USP7: variants seen among roughly 807,000 people sequenced by gnomAD.
USP7 encodes ubiquitin specific peptidase 7, also known as ubiquitin C-terminal hydrolase 7.
In USP7, 9 loss-of-function variants were observed where a neutral mutation model predicts 162.9. The observed-to-expected ratio is 0.06, with a 90% confidence interval of 0.03 to 0.10. The LOEUF is 0.10. Among genes scored for constraint, USP7 ranks in the 10% least tolerant of loss-of-function variants. USP7 has a pLI of 1.00. For missense variants in USP7, 715 were observed against 1,373.7 expected (o/e 0.52, Z 7.58); for synonymous variants, 562 against 475.9 (o/e 1.18, Z -2.35).
chr16:8,939,614 T>A (rs1048876154), intron 1 of USP7, among the ~76,000 whole-genome samples: 2 of 152,258 alleles, frequency 1.3e-5, no homozygotes, highest in African/African-American at 4.8e-5. Flanking sequence ...TGGCCTTCCC[T>A]GAGTGCTAAC....
chr16:8,920,202 C>T (rs1175632731), intron 5 of USP7, among the ~76,000 whole-genome samples, 157 bp downstream of exon 5: 2 of 152,180 alleles, frequency 1.3e-5, no homozygotes, highest in African/African-American at 2.4e-5. Context: ...ATCTGTTAAA[C>T]GAGTGTCAAG....
chr16:8,959,402 ATCATT>A (rs1338489834), intron 1 of USP7, among the ~76,000 whole-genome samples: 1 of 152,048 alleles, frequency 6.6e-6, no homozygotes, highest in African/African-American at 2.4e-5. Flanking sequence ...ACTAGTATCG[ATCATT>A]TCATTACAGA....
intron 10 of USP7, among the ~76,000 whole-genome samples, chr16:8,913,154 G>C (rs2061975071): frequency 6.6e-6 from 1 of 152,190 alleles, no homozygotes; most frequent in Admixed American, 6.5e-5. Flanking sequence ...TCAGGAACTC[G>C]AGACCAGCCT....
intron 3 of USP7, among the ~76,000 whole-genome samples, chr16:8,922,430 G>A (rs964955245): frequency 4.6e-5 from 7 of 152,236 alleles, no homozygotes; most frequent in African/African-American, 1.7e-4. Context: ...GGAGGTTGTG[G>A]TGAGCCAAGA....
intron 10 of USP7, among the ~76,000 whole-genome samples, chr16:8,913,558 C>T (rs972923564): frequency 2.0e-5 from 3 of 152,022 alleles, no homozygotes; most frequent in African/African-American, 7.3e-5. Flanking sequence ...GAAGTCTACA[C>T]CGAGTTAAAA....
At chr16:8,935,413 G>A (rs568791167) in intron 1 of USP7, among the ~76,000 whole-genome samples, 2 of 152,210 alleles carry the variant, frequency 1.3e-5, no homozygotes, top group South Asian at 2.1e-4. Context: ...GTTTCACCAC[G>A]TTGGCCAGGC....
intron 5 of USP7, among the ~76,000 whole-genome samples, chr16:8,920,147 T>C (rs1335343610): frequency 3.3e-5 from 5 of 152,220 alleles, no homozygotes; most frequent in African/African-American, 1.2e-4. Context: ...GCCATAATTA[T>C]ACAATTATGT....
At chr16:8,938,539 C>T (rs1898882279) in intron 1 of USP7, among the ~76,000 whole-genome samples, 1 of 151,684 alleles carries the variant, frequency 6.6e-6, no homozygotes, top group African/African-American at 2.4e-5. Flanking sequence ...GGTGAAACGC[C>T]GTCTCTACTG....
Position 8,919,201 on chromosome 16 carries a change from G to C in USP7, c.612-62C>G, listed in dbSNP as rs566444904. 1.7e-5 allele frequency: 27 copies of C among 1,546,294 alleles called. No individual in the cohort carries two copies. In the African/African-American group the frequency reaches 3.5e-4, roughly 20 times the overall value. On this transcript the variant is annotated intron_variant, in intron 5 of 30. Transcript: ENST00000344836. Reference sequence around the variant, plus strand: ...ATACCCCATTGCTCCTGCAGTGTGTGTGAAGCAATCTGACTCAAGGTCAGC... The same window carrying C: ...ATACCCCATTGCTCCTGCAGTGTGTCTGAAGCAATCTGACTCAAGGTCAGC...
At chr16:8,957,862 T>C (rs1023080085) in intron 1 of USP7, among the ~76,000 whole-genome samples, 2 of 152,124 alleles carry the variant, frequency 1.3e-5, no homozygotes, top group Non-Finnish European at 2.9e-5. Flanking sequence ...TGAAAGTCTA[T>C]CAATGTCTTT....
Position 8,898,372 on chromosome 16 carries a change from T to C in USP7, c.2706A>G (p.Gln902=), listed in dbSNP as rs778367249. Residue 902 remains glutamine (Q), a synonymous_variant, in exon 25 of 31, where the codon CAA becomes CAG. Transcript: ENST00000344836. ...RSFKCIWLNS[Q]FREEEITLYP... is the part of the protein sequence containing the mutation. The stretch of plus-strand genomic sequence containing the variant: ...TAAAAAAACTTACCTCTTCCCTAAA[T>C]TGGCTGTTTAACCATATACATTTAA... The C allele has an allele frequency of 9.9e-6, 16 of 1,608,534 alleles. No homozygotes were observed. In the African/African-American group the frequency reaches 2.0e-4, roughly 20 times the overall value.
chr16:8,952,682 GTAACA>G (rs1899610046), intron 1 of USP7, among the ~76,000 whole-genome samples: 1 of 152,144 alleles, frequency 6.6e-6, no homozygotes, highest in South Asian at 2.1e-4. Flanking sequence ...GCCATGTAAC[GTAACA>G]TTTGCAGGTT....
At chr16:8,909,362 T>C (rs1486526293) in intron 11 of USP7, among the ~76,000 whole-genome samples, 2 of 152,138 alleles carry the variant, frequency 1.3e-5, no homozygotes, top group Non-Finnish European at 2.9e-5. Context: ...CACACCCATA[T>C]GCCAAGGTTC....
At chr16:8,924,664 A>G (rs1897892101) in intron 2 of USP7, among the ~76,000 whole-genome samples, 1 of 152,258 alleles carries the variant, frequency 6.6e-6, no homozygotes, top group Non-Finnish European at 1.5e-5. Context: ...GTTCACTAAC[A>G]ACTGAGTTCT....
At chr16:8,952,737 C>A (rs1192842802) in intron 1 of USP7, among the ~76,000 whole-genome samples, 1 of 152,126 alleles carries the variant, frequency 6.6e-6, no homozygotes, top group Non-Finnish European at 1.5e-5. Flanking sequence ...GGGATGGGAG[C>A]ATCATTCTGC....
At chr16:8,907,538 G>A (rs1371602672) in intron 12 of USP7, among the ~76,000 whole-genome samples, 8 of 152,198 alleles carry the variant, frequency 5.3e-5, no homozygotes, top group Admixed American at 3.9e-4. Context: ...TGTCACTCCT[G>A]CATCTACTAT....
intron 11 of USP7, among the ~76,000 whole-genome samples, chr16:8,909,003 T>C (rs1421477517): frequency 2.0e-5 from 3 of 152,260 alleles, no homozygotes; most frequent in African/African-American, 2.4e-5. Context: ...TTAGGGCTTA[T>C]GGTTCAATCC....
intron 2 of USP7, among the ~76,000 whole-genome samples, chr16:8,923,897 A>T (rs1159892311): frequency 6.6e-6 from 1 of 152,202 alleles, no homozygotes; most frequent in Non-Finnish European, 1.5e-5. Flanking sequence ...GAAGCTCAGC[A>T]CTGCTCAGAG....
At chr16:8,960,402 G>A (rs189968712) in intron 1 of USP7, among the ~76,000 whole-genome samples, 71 of 152,274 alleles carry the variant, frequency 4.7e-4, no homozygotes, top group Admixed American at 3.4e-3. Context: ...GAATATACAA[G>A]GACTGTGCAG....
Sources: allele counts gnomAD v4.1 joint callset (sites outside exome capture counted in the v4.1 genomes callset), GRCh38; gene constraint gnomAD v4.1.1; transcripts MANE v1.5; gene names NCBI Gene and HGNC (gene_info 2026-07-23, HGNC 2026-07-21).